SEMA4A: variants seen among roughly 807,000 people sequenced by gnomAD.
The protein encoded by SEMA4A is semaphorin 4A.
Under a neutral mutation model 72.5 loss-of-function variants are expected in SEMA4A, and 52 were observed. That is an observed-to-expected ratio of 0.72 (90% confidence interval 0.57 to 0.90). SEMA4A has a LOEUF of 0.90. SEMA4A is among the 40% of genes least tolerant of loss of function. SEMA4A has a pLI of 0.00. For missense variants in SEMA4A, 926 were observed against 959.7 expected (o/e 0.96, Z 0.46); for synonymous variants, 369 against 393.1 (o/e 0.94, Z 0.73).
intron 14 of SEMA4A, 110 bp from the exon 15 acceptor site, chr1:156,176,295 C>CAAA (rs1174877148): frequency 1.5e-4 from 111 of 724,976 alleles, no homozygotes; most frequent in Middle Eastern, 3.2e-4. Flanking sequence ...GAACCTGCCT[C>CAAA]AAAAAAAAAA....
At chr1:156,154,923 G>C (rs528206834) in intron 2 of SEMA4A, 13 of 672,594 alleles carry the variant, frequency 1.9e-5, no homozygotes, top group Non-Finnish European at 2.7e-5. Flanking sequence ...CCACTGGAGA[G>C]CAGATTGAGG....
chr1:156,167,393 A>G (rs1654266121), intron 10 of SEMA4A, among the ~76,000 whole-genome samples: 1 of 147,998 alleles, frequency 6.8e-6, no homozygotes, highest in African/African-American at 2.5e-5. Flanking sequence ...GGAAGGGTGA[A>G]GTAGGAGGAT....
chr1:156,166,907 T>G (rs1438694638), intron 10 of SEMA4A, among the ~76,000 whole-genome samples: 3 of 150,298 alleles, frequency 2.0e-5, no homozygotes, highest in Admixed American at 6.7e-5. Flanking sequence ...CCAGCCTGGA[T>G]GACAGAGCAA....
intron 6 of SEMA4A, 21 bp downstream of exon 6, chr1:156,158,845 T>C (rs368480720): frequency 1.7e-4 from 272 of 1,563,292 alleles, no homozygotes; most frequent in Non-Finnish European, 2.2e-4. Flanking sequence ...GGTTTCCCAC[T>C]TCATCCCAAC....
Position 156,158,729 on chromosome 1 carries a change from A to G in SEMA4A, c.473A>G (p.Asp158Gly), listed in dbSNP as rs200090107. The change falls in exon 6 of 15, where the codon GAT (aspartate) becomes GGT (glycine). Residue 158 changes from aspartate (D) to glycine (G), a missense_variant. Transcript: ENST00000368285. Reference protein sequence around the residue: ...SPACTFIELQDSYLLPISEDK... With the variant: ...SPACTFIELQGSYLLPISEDK... ...TCTCTCCCCATTTAGGAACTTCAAG[A>G]TTCCTACCTGTTGCCCATCTCGGAG... 7.3e-5 allele frequency: 118 copies of G among 1,613,144 alleles called. No homozygotes were observed. The highest frequency in any genetic ancestry group is 9.3e-5 in the Non-Finnish European group (110 of 1,179,458).
Position 156,161,046 on chromosome 1 carries a change from G to T in SEMA4A, c.810+17G>T, listed in dbSNP as rs752299868. On this transcript the variant is annotated intron_variant, in intron 8 of 14. Coordinates refer to ENST00000368285, the MANE Select transcript of SEMA4A (RefSeq NM_022367.4). ...GTCTGCAAGGTCCGCGGCCTGGGCGGGGGGCGGGGCTAACTGGAGGAGAAC... is the reference window on the plus strand; with the variant it reads ...GTCTGCAAGGTCCGCGGCCTGGGCGTGGGGCGGGGCTAACTGGAGGAGAAC... The T allele has an allele frequency of 2.1e-6, 3 of 1,411,208 alleles. No homozygotes were observed. Among genetic ancestry groups the T allele is most frequent in the South Asian group, 2.3e-5 (2 of 86,354 alleles). 87.4% of individuals were successfully genotyped at this position (1,411,208 alleles called of 1,614,324 possible). A position where few individuals can be genotyped will look rare whatever the true frequency, so the allele number is the denominator to read the frequency against.
At position 156,158,074 on chromosome 1, in the gene SEMA4A, C is replaced by T. The variant is rs143382589; in HGVS notation, c.305C>T (p.Pro102Leu). Reference sequence around the variant, plus strand: ...CTCCCAACTCCCCACTTTCAGATACCGTGGCCAGCCAGTGACAGAAAAAAG... The same window carrying T: ...CTCCCAACTCCCCACTTTCAGATACTGTGGCCAGCCAGTGACAGAAAAAAG... Reference protein sequence around the residue: ...PGVPRLKNMIPWPASDRKKSE... With the variant: ...PGVPRLKNMILWPASDRKKSE... Residue 102 changes from proline (P) to leucine (L), a missense_variant, in exon 4 of 15, where the codon CCG (proline) becomes CTG (leucine). Physicochemically the swap from Pro to Leu is moderately conservative, Grantham distance 98 (BLOSUM62 -3). Transcript: ENST00000368285. 6.3e-5 allele frequency: 101 copies of T among 1,613,900 alleles called. No homozygotes were observed. The highest frequency in any genetic ancestry group is 1.6e-4 in the Middle Eastern group (1 of 6,082).
rs909348220 is a variant in SEMA4A, at chr1:156,172,080, G to A, written c.1135-746G>A. Among the ~76,000 whole-genome samples the A allele has an allele frequency of 5.4e-4, 78 of 144,736 alleles. 1 individual carries two copies. The highest frequency in any genetic ancestry group is 1.9e-3 in the African/African-American group (75 of 38,694). The allele number at this position is 144,736 out of a possible 152,430, so 95.0% of individuals were successfully genotyped here. ...ATTACAGGCGTGAGCCACTGTGCCC[G>A]GCTGTTTGTTTGTTTGTTTATTTAT... On this transcript the variant is annotated intron_variant, in intron 10 of 14. Transcript: ENST00000368285.
intron 10 of SEMA4A, among the ~76,000 whole-genome samples, chr1:156,171,141 G>T (rs11264452): frequency 0.29 from 44,682 of 152,084 alleles, 7,188 homozygotes; most frequent in African/African-American, 0.42. Flanking sequence ...ATGAGATGTA[G>T]ATGTTATTAC....
chr1:156,176,794 C>T lies in SEMA4A; in HGVS notation c.2083C>T (p.Leu695Phe). The T allele has an allele frequency of 6.2e-7, 1 of 1,613,762 alleles. No homozygotes were observed. The highest frequency in any genetic ancestry group is 8.5e-7 in the Non-Finnish European group (1 of 1,179,674). The stretch of plus-strand genomic sequence containing the variant: ...TGTCACTGTCCTCTTTGCCTTAGTG[C>T]TTTCAGGAGCCCTCATCATCCTCGT... ...VTVTVLFALV[L>F]SGALIILVAS... is the part of the protein sequence containing the mutation. The change falls in exon 15 of 15, where the codon CTT becomes TTT. Residue 695 changes from leucine (L) to phenylalanine (F), a missense_variant. Physicochemically the swap from Leu to Phe is conservative, Grantham distance 22. Transcript: ENST00000368285.
intron 1 of SEMA4A, 70 bp downstream of exon 1, chr1:156,153,834 G>A (rs1404649948): frequency 6.6e-6 from 1 of 152,456 alleles, no homozygotes; most frequent in African/African-American, 2.4e-5. Flanking sequence ...GCAGACACAG[G>A]AGCAAGAGAC....
chr1:156,154,738 A>G, intron 2 of SEMA4A, 21 bp downstream of exon 2: 2 of 1,571,768 alleles, frequency 1.3e-6, no homozygotes, highest in East Asian at 2.3e-5. Flanking sequence ...GACAGCAGGA[A>G]GTGTGGGGAT....
In SEMA4A at chr1:156,158,419, T is replaced by C; in HGVS notation, c.395T>C (p.Val132Ala). ...TQCFNFIRVLVSYNVTHLYTC... is the reference protein window; with the variant it reads ...TQCFNFIRVLASYNVTHLYTC... ...TGTTTCAACTTCATCCGTGTCCTGGTTTCTTACAATGTCACCCATCTCTAC... is the reference window on the plus strand; with the variant it reads ...TGTTTCAACTTCATCCGTGTCCTGGCTTCTTACAATGTCACCCATCTCTAC... The change falls in exon 5 of 15, where the codon GTT (valine) becomes GCT (alanine). Residue 132 changes from valine (V) to alanine (A), a missense_variant. Transcript: ENST00000368285. 6.2e-7 allele frequency: 1 copy of C among 1,613,748 alleles called. No homozygotes were observed. Among genetic ancestry groups the C allele is most frequent in the Non-Finnish European group, 8.5e-7 (1 of 1,179,882 alleles).
intron 11 of SEMA4A, among the ~76,000 whole-genome samples, chr1:156,173,944 A>G (rs916760349): frequency 3.9e-5 from 6 of 152,122 alleles, no homozygotes; most frequent in African/African-American, 1.4e-4. Context: ...ACCCGTTTCT[A>G]CTAAAAATAC....
chr1:156,174,096 A>G (rs1324986471), intron 11 of SEMA4A, among the ~76,000 whole-genome samples: 1 of 151,558 alleles, frequency 6.6e-6, no homozygotes, highest in Non-Finnish European at 1.5e-5. Context: ...GGGTGACAAG[A>G]GTGAAAATCC....
At chr1:156,176,122 C>T (rs547506105) in intron 14 of SEMA4A, among the ~76,000 whole-genome samples, 36 of 152,108 alleles carry the variant, frequency 2.4e-4, no homozygotes, top group African/African-American at 8.0e-4. Context: ...AACCCCATCT[C>T]TACAAAAATT....
chr1:156,160,754 C>A, intron 7 of SEMA4A, 151 bp from the exon 8 acceptor site: 2 of 1,188,830 alleles, frequency 1.7e-6, no homozygotes, highest in Non-Finnish European at 2.5e-6. Flanking sequence ...TACCAGTCAT[C>A]CCCACCCCAC....
intron 9 of SEMA4A, 55 bp from the exon 10 acceptor site, chr1:156,162,889 G>A: frequency 1.2e-6 from 2 of 1,609,730 alleles, no homozygotes; most frequent in Non-Finnish European, 1.7e-6. Context: ...GCGCTGGAGA[G>A]AGAGCTGCTG....
intron 9 of SEMA4A, among the ~76,000 whole-genome samples, chr1:156,162,044 C>T (rs932780213): frequency 6.6e-5 from 10 of 152,142 alleles, no homozygotes; most frequent in Non-Finnish European, 1.2e-4. Context: ...GGGCAGATCA[C>T]GAGGTCAGGA....
Sources: gnomAD v4.1 joint callset for allele counts (sites outside exome capture counted in the v4.1 genomes callset) on GRCh38, gnomAD v4.1.1 for gene constraint, MANE v1.5 for transcripts, NCBI Gene and HGNC (gene_info 2026-07-23, HGNC 2026-07-21) for gene names.